The following GRM1 variants were observed in gnomAD, a reference collection of about 807,000 sequenced individuals.
The protein encoded by GRM1 is metabotropic glutamate receptor 1.
GRM1 carries 33 observed loss-of-function variants against 90.9 expected under a neutral mutation model. The observed-to-expected ratio is 0.36, with a 90% confidence interval of 0.28 to 0.49. The LOEUF is 0.49. Ranked by LOEUF, GRM1 falls within the 20% of genes least tolerant of loss-of-function variation. The probability of loss-of-function intolerance (pLI) is 0.99; values close to 1 mark genes in which losing one functional copy is unlikely to be tolerated. For synonymous variants in GRM1, 700 were observed against 613.2 expected (o/e 1.14, Z -2.09); for missense variants, 1,190 against 1,534.3 (o/e 0.78, Z 3.75).
At chr6:146,037,434 A>G (rs142435979) in intron 1 of GRM1, among the ~76,000 whole-genome samples, 192 of 152,122 alleles carry the variant, frequency 1.3e-3, no homozygotes, top group African/African-American at 4.2e-3. Flanking sequence ...CAGCAAAGCT[A>G]GGACTAATTT....
chr6:146,275,429 G>A (rs942050043), intron 2 of GRM1, among the ~76,000 whole-genome samples: 5 of 152,070 alleles, frequency 3.3e-5, no homozygotes, highest in South Asian at 2.1e-4. Flanking sequence ...GTGAGAAGGC[G>A]TGGGAATCAA....
At chr6:146,244,175 A>C (rs1023390584) in intron 2 of GRM1, among the ~76,000 whole-genome samples, 1 of 152,286 alleles carries the variant, frequency 6.6e-6, no homozygotes, top group East Asian at 1.9e-4. Flanking sequence ...GGTGACATAC[A>C]TCCTCAGCTT....
intron 1 of GRM1, among the ~76,000 whole-genome samples, chr6:146,124,873 G>A (rs1776138293): frequency 6.6e-6 from 1 of 152,148 alleles, no homozygotes. Flanking sequence ...AGCTCTGGGA[G>A]AGAAACATTG....
At chr6:146,039,142 C>T (rs1008853501) in intron 1 of GRM1, among the ~76,000 whole-genome samples, 1 of 151,944 alleles carries the variant, frequency 6.6e-6, no homozygotes, top group African/African-American at 2.4e-5. Context: ...AAGTTCACCA[C>T]ATGGTGATTA....
chr6:146,290,703 G>A (rs1038548689), intron 2 of GRM1, among the ~76,000 whole-genome samples: 1 of 152,110 alleles, frequency 6.6e-6, no homozygotes, highest in African/African-American at 2.4e-5. Context: ...TGTATTTTGA[G>A]GAGCAGATAA....
chr6:146,214,393 G>A (rs1351876941), intron 2 of GRM1, among the ~76,000 whole-genome samples: 1 of 152,188 alleles, frequency 6.6e-6, no homozygotes, highest in Non-Finnish European at 1.5e-5. Context: ...AGAAAACAAA[G>A]ATTGCTCCGA....
intron 1 of GRM1, among the ~76,000 whole-genome samples, chr6:146,091,098 C>T (rs998425911): frequency 2.0e-5 from 3 of 152,096 alleles, no homozygotes; most frequent in African/African-American, 7.2e-5. Context: ...AATATCAGGC[C>T]TTAAAAAGAC....
intron 2 of GRM1, among the ~76,000 whole-genome samples, chr6:146,242,876 T>C (rs1780918877): frequency 6.6e-6 from 1 of 152,190 alleles, no homozygotes; most frequent in African/African-American, 2.4e-5. Context: ...TAGAAATTGC[T>C]TAACATAGGG....
At chr6:146,415,240 G>T (rs890872712) in intron 7 of GRM1, among the ~76,000 whole-genome samples, 2 of 152,034 alleles carry the variant, frequency 1.3e-5, no homozygotes, top group African/African-American at 4.8e-5. Flanking sequence ...AAAACTCCCT[G>T]GGGTCTCTTT....
intron 1 of GRM1, among the ~76,000 whole-genome samples, chr6:146,039,405 T>G (rs1334335944): frequency 6.6e-6 from 1 of 151,960 alleles, no homozygotes; most frequent in Non-Finnish European, 1.5e-5. Context: ...GTATATGTCC[T>G]GGGAAAATGA....
At chr6:146,058,635 C>A (rs760197647) in intron 1 of GRM1, among the ~76,000 whole-genome samples, 17 of 152,068 alleles carry the variant, frequency 1.1e-4, no homozygotes, top group Non-Finnish European at 1.9e-4. Flanking sequence ...ATTGATTCGT[C>A]TTTTCATTAA....
chr6:146,338,462 C>T (rs557732946), intron 3 of GRM1, among the ~76,000 whole-genome samples: 1 of 152,346 alleles, frequency 6.6e-6, no homozygotes, highest in East Asian at 1.9e-4. Context: ...TTCTTTGCCT[C>T]CACAGTTCAC....
At chr6:146,209,846 G>A (rs548860801) in intron 2 of GRM1, among the ~76,000 whole-genome samples, 10 of 152,214 alleles carry the variant, frequency 6.6e-5, no homozygotes, top group South Asian at 2.1e-4. Context: ...AGGCAGCAGT[G>A]GGGAAGATTG....
intron 2 of GRM1, among the ~76,000 whole-genome samples, chr6:146,275,545 T>A (rs552475306): frequency 6.6e-6 from 1 of 152,150 alleles, no homozygotes; most frequent in Non-Finnish European, 1.5e-5. Context: ...TCCCCCTATC[T>A]CTTTCTCTCT....
At position 146,343,658 on chromosome 6, in the gene GRM1, T is replaced by TTTATTATTATTATTATTATTA. The variant is rs58070198; in HGVS notation, c.1187-8586_1187-8566dup. On this transcript the variant is annotated intron_variant, in intron 3 of 7. Coordinates refer to ENST00000282753, the MANE Select transcript of GRM1 (RefSeq NM_001278064.2). ...TTTATTGTTGTTGTTGTTGTTTTTA[T>TTTATTATTATTATTATTATTA]TTATTATTATTATTATTATTATTAT... 5.4e-3 allele frequency among the ~76,000 whole-genome samples: 800 copies of TTTATTATTATTATTATTATTA among 148,440 alleles called. 7 individuals are homozygous for TTTATTATTATTATTATTATTA. The highest frequency in any genetic ancestry group is 0.016 in the African/African-American group (636 of 39,550).
At chr6:146,369,258 C>T (rs956487722) in intron 5 of GRM1, among the ~76,000 whole-genome samples, 2 of 151,432 alleles carry the variant, frequency 1.3e-5, no homozygotes, top group Non-Finnish European at 3.0e-5. Flanking sequence ...AAGCTGTGTC[C>T]ACTTTGTTTA....
chr6:146,117,683 T>C (rs1430159783), intron 1 of GRM1, among the ~76,000 whole-genome samples: 1 of 152,160 alleles, frequency 6.6e-6, no homozygotes, highest in Non-Finnish European at 1.5e-5. Flanking sequence ...ATTCTGCTAA[T>C]GTATATATTT....
intron 1 of GRM1, among the ~76,000 whole-genome samples, chr6:146,155,876 G>T (rs1302038537): frequency 6.6e-6 from 1 of 152,190 alleles, no homozygotes; most frequent in East Asian, 1.9e-4. Context: ...TGGAATGCAA[G>T]TGTAGCTTTC....
intron 2 of GRM1, among the ~76,000 whole-genome samples, chr6:146,231,929 A>G (rs1780464111): frequency 6.6e-6 from 1 of 152,072 alleles, no homozygotes; most frequent in South Asian, 2.1e-4. Context: ...TTAGCCTCAT[A>G]AAGTGAATCA....
Sources: gnomAD v4.1 joint callset for allele counts (sites outside exome capture counted in the v4.1 genomes callset) on GRCh38, gnomAD v4.1.1 for gene constraint, MANE v1.5 for transcripts, NCBI Gene and HGNC (gene_info 2026-07-23, HGNC 2026-07-21) for gene names.